The following ACACA variants were observed in gnomAD, a reference collection of about 807,000 sequenced individuals.
ACACA encodes acetyl-CoA carboxylase alpha, also known as acetyl-CoA carboxylase 1.
ACACA carries 103 observed loss-of-function variants against 296.1 expected under a neutral mutation model. The ratio of observed to expected loss-of-function variants is 0.35; its 90% CI spans 0.30 to 0.41. ACACA has a LOEUF of 0.41. Ranked by LOEUF, ACACA falls within the 10% of genes least tolerant of loss-of-function variation. The probability of loss-of-function intolerance (pLI) is 1.00; values close to 1 mark genes in which losing one functional copy is unlikely to be tolerated. For missense variants in ACACA, 1,554 were observed against 2,989.7 expected (o/e 0.52, Z 11.20); for synonymous variants, 953 against 1,038.6 (o/e 0.92, Z 1.58).
intron 1 of ACACA, among the ~76,000 whole-genome samples, chr17:37,342,290 C>T (rs1216462857): frequency 1.3e-5 from 2 of 150,406 alleles, no homozygotes; most frequent in Admixed American, 1.3e-4. Flanking sequence ...CACCTGTAAT[C>T]CCAGCTACTG....
rs147087101 is a variant in ACACA at position 37,254,811 on chromosome 17, C to A, written c.1827-1775G>T. Among the ~76,000 whole-genome samples, 1,393 of 151,268 alleles carry A rather than the reference C, an allele frequency of 9.2e-3. 23 individuals are homozygous for A. The highest frequency in any genetic ancestry group is 0.032 in the African/African-American group (1,316 of 41,138). On this transcript the variant is annotated intron_variant, in intron 14 of 55. Coordinates refer to ENST00000616317, the MANE Select transcript of ACACA (RefSeq NM_198834.3). ...CCAGCCTGGCCGACATGGTGAAACC[C>A]GTCTCTACTACAAATACAAAAACTA...
chr17:37,365,749 TC>T, intron 1 of ACACA: 1 of 985,316 alleles, frequency 1.0e-6, no homozygotes, highest in Non-Finnish European at 1.2e-6. Context: ...ATAAGTCTGG[TC>T]CTAATGATGA....
chr17:37,132,440 C>G (rs2075144324), intron 45 of ACACA, among the ~76,000 whole-genome samples: 1 of 152,194 alleles, frequency 6.6e-6, no homozygotes, highest in Non-Finnish European at 1.5e-5. Flanking sequence ...TTATGGTCGT[C>G]ATAAACCCGA....
At chr17:37,240,180 A>G (rs2080322828) in intron 24 of ACACA, among the ~76,000 whole-genome samples, 1 of 152,214 alleles carries the variant, frequency 6.6e-6, no homozygotes, top group Admixed American at 6.5e-5. Flanking sequence ...TACACTACAC[A>G]AGGTCAAAAA....
At chr17:37,360,616 G>A (rs950209978) in intron 1 of ACACA, among the ~76,000 whole-genome samples, 1 of 152,134 alleles carries the variant, frequency 6.6e-6, no homozygotes, top group Non-Finnish European at 1.5e-5. Context: ...AGTGTACTGT[G>A]CCTGCGCCTG....
At chr17:37,250,650 A>G (rs2080942613) in intron 16 of ACACA, among the ~76,000 whole-genome samples, 1 of 151,946 alleles carries the variant, frequency 6.6e-6, no homozygotes, top group East Asian at 1.9e-4. Flanking sequence ...AAAAAAGATT[A>G]AGATTAAACG....
At chr17:37,134,665 T>C (rs1319092545) in intron 45 of ACACA, among the ~76,000 whole-genome samples, 2 of 152,210 alleles carry the variant, frequency 1.3e-5, no homozygotes, top group African/African-American at 2.4e-5. Flanking sequence ...CTTTAAACAA[T>C]GCTCGGTGGG....
chr17:37,255,236 T>C (rs2680393), intron 14 of ACACA, among the ~76,000 whole-genome samples: 25,099 of 152,150 alleles, frequency 0.16, 2,776 homozygotes, highest in Admixed American at 0.33. Context: ...GATATAGCAG[T>C]AACAAGACAC....
At chr17:37,282,863 G>T (rs146144262) in intron 5 of ACACA, among the ~76,000 whole-genome samples, 1 of 148,654 alleles carries the variant, frequency 6.7e-6, no homozygotes, top group Non-Finnish European at 1.5e-5. Flanking sequence ...CTCAGGAAGA[G>T]AAAAAAAAAA....
intron 10 of ACACA, among the ~76,000 whole-genome samples, chr17:37,268,743 A>ATATATATATATATATATATC (rs2081926020): frequency 9.8e-6 from 1 of 102,070 alleles, no homozygotes; most frequent in East Asian, 2.9e-4. Context: ...CTATCTATCT[A>ATATATATATATATATATATC]TATATATATA....
intron 18 of ACACA, among the ~76,000 whole-genome samples, chr17:37,247,494 A>G (rs2080771909): frequency 6.6e-6 from 1 of 151,912 alleles, no homozygotes; most frequent in Non-Finnish European, 1.5e-5. Flanking sequence ...CTGCCTCCCA[A>G]GTAGCTGGGA....
chr17:37,211,775 G>C (rs1020888022), intron 29 of ACACA, among the ~76,000 whole-genome samples: 3 of 152,200 alleles, frequency 2.0e-5, no homozygotes, highest in Non-Finnish European at 4.4e-5. Flanking sequence ...CATGTGATTT[G>C]TGAGTAGAAA....
At chr17:37,179,723 G>A (rs773147447) in intron 40 of ACACA, among the ~76,000 whole-genome samples, 5 of 151,952 alleles carry the variant, frequency 3.3e-5, no homozygotes, top group African/African-American at 4.8e-5. Context: ...AAGTAGCATC[G>A]ACTCCTTAAA....
At chr17:37,088,284 A>AGGGG (rs2072358733) in intron 55 of ACACA, among the ~76,000 whole-genome samples, 1 of 152,182 alleles carries the variant, frequency 6.6e-6, no homozygotes, top group African/African-American at 2.4e-5. Context: ...GCACACTGAA[A>AGGGG]TATTTGGGGG....
chr17:37,126,822 T>C (rs1203950331), intron 47 of ACACA, among the ~76,000 whole-genome samples: 1 of 152,226 alleles, frequency 6.6e-6, no homozygotes, highest in Non-Finnish European at 1.5e-5. Flanking sequence ...TATCTCTCCA[T>C]CCGTGAGCCC....
Position 37,245,074 on chromosome 17 carries a change from A to G in ACACA, c.2595+6T>C. ...AGAGCAATATTCGGAGCACCTTCCT[A>G]CTCACCTGCTGAACCTTGCTGGGGT... On this transcript the variant is annotated splice_donor_region_variant and intron_variant, in intron 20 of 55. Coordinates refer to ENST00000616317, the MANE Select transcript of ACACA (RefSeq NM_198834.3). The G allele has an allele frequency of 6.2e-7, 1 of 1,614,120 alleles. No homozygotes were observed. The highest frequency in any genetic ancestry group is 8.5e-7 in the Non-Finnish European group (1 of 1,180,002).
At chr17:37,210,751 CAAAAAAAAAAAAAA>C (rs57591064) in intron 29 of ACACA, among the ~76,000 whole-genome samples, 1 of 72,424 alleles carries the variant, frequency 1.4e-5, no homozygotes, top group Admixed American at 1.5e-4. Context: ...GCTCTATTAC[CAAAAAAAAAAAAAA>C]AAAAAAAAAA....
At chr17:37,367,424 C>T (rs1320312321) in intron 1 of ACACA, among the ~76,000 whole-genome samples, 1 of 152,102 alleles carries the variant, frequency 6.6e-6, no homozygotes, top group Admixed American at 6.6e-5. Context: ...TCTACCTTCT[C>T]TGTGCTCTGT....
intron 16 of ACACA, among the ~76,000 whole-genome samples, chr17:37,250,365 C>T (rs1008833730): frequency 2.0e-5 from 3 of 152,184 alleles, no homozygotes; most frequent in Non-Finnish European, 4.4e-5. Context: ...TAAGGTTGGG[C>T]GCAGTGGCTC....
Sources: allele counts gnomAD v4.1 joint callset (sites outside exome capture counted in the v4.1 genomes callset), GRCh38; gene constraint gnomAD v4.1.1; transcripts MANE v1.5; gene names NCBI Gene and HGNC (gene_info 2026-07-23, HGNC 2026-07-21).